The following UBE2O variants were observed in gnomAD, a reference collection of about 807,000 sequenced individuals.
UBE2O encodes the protein (E3-independent) E2 ubiquitin-conjugating enzyme.
A neutral mutation model predicts 125.8 loss-of-function variants in UBE2O; 15 were observed. The observed-to-expected ratio is 0.12, with a 90% CI of 0.08 to 0.18. The LOEUF is 0.18. UBE2O is among the 10% of genes least tolerant of loss of function. The pLI is 1.00. For missense variants in UBE2O, 1,280 were observed against 1,723.6 expected (o/e 0.74, Z 4.56); for synonymous variants, 708 against 703.2 (o/e 1.01, Z -0.11).
chr17:76,412,869 G>A (rs1292312096), intron 1 of UBE2O, among the ~76,000 whole-genome samples: 3 of 152,150 alleles, frequency 2.0e-5, no homozygotes, highest in East Asian at 1.9e-4. Flanking sequence ...TTACCTGGGC[G>A]TGGTGGTGGG....
At chr17:76,412,784 CAG>C (rs2072537897) in intron 1 of UBE2O, among the ~76,000 whole-genome samples, 1 of 152,198 alleles carries the variant, frequency 6.6e-6, no homozygotes, top group Non-Finnish European at 1.5e-5. Flanking sequence ...CTGAGGCAGA[CAG>C]ATCACAAGGT....
At chr17:76,434,191 A>G (rs537681905) in intron 1 of UBE2O, among the ~76,000 whole-genome samples, 1 of 152,252 alleles carries the variant, frequency 6.6e-6, no homozygotes, top group African/African-American at 2.4e-5. Flanking sequence ...GACCCCGAGG[A>G]TCCCTTCCAG....
chr17:76,429,835 C>A (rs2072874970), intron 1 of UBE2O, among the ~76,000 whole-genome samples: 1 of 152,194 alleles, frequency 6.6e-6, no homozygotes, highest in Non-Finnish European at 1.5e-5. Context: ...GTTCATGAAT[C>A]CCTCTTTCAG....
chr17:76,423,051 C>T (rs1025177797), intron 1 of UBE2O, among the ~76,000 whole-genome samples: 5 of 152,142 alleles, frequency 3.3e-5, no homozygotes, highest in Admixed American at 1.3e-4. Context: ...CAATGGGTGG[C>T]GTGGGCAGAA....
intron 1 of UBE2O, among the ~76,000 whole-genome samples, chr17:76,438,908 C>G (rs574833003): frequency 3.9e-5 from 6 of 152,300 alleles, no homozygotes; most frequent in African/African-American, 9.6e-5. Flanking sequence ...ACAGAGGACA[C>G]AACTCATCTG....
At chr17:76,432,677 T>C (rs960839640) in intron 1 of UBE2O, among the ~76,000 whole-genome samples, 1 of 152,054 alleles carries the variant, frequency 6.6e-6, no homozygotes, top group Non-Finnish European at 1.5e-5. Flanking sequence ...CCACAAGAGG[T>C]AGCCCACCTG....
At chr17:76,431,667 A>G (rs1044872189) in intron 1 of UBE2O, among the ~76,000 whole-genome samples, 1 of 151,860 alleles carries the variant, frequency 6.6e-6, no homozygotes, top group African/African-American at 2.4e-5. Flanking sequence ...TTAGGGCCAG[A>G]CACTGTGGCT....
At chr17:76,412,093 A>C (rs2072526011) in intron 1 of UBE2O, among the ~76,000 whole-genome samples, 1 of 152,196 alleles carries the variant, frequency 6.6e-6, no homozygotes, top group Non-Finnish European at 1.5e-5. Flanking sequence ...CTCAAGGACA[A>C]GCGGACGACC....
At chr17:76,446,469 A>C (rs201664546) in intron 1 of UBE2O, among the ~76,000 whole-genome samples, 9,708 of 152,270 alleles carry the variant, frequency 0.064, 382 homozygotes, top group South Asian at 0.12. Context: ...AAACAAAAAA[A>C]AAAACCAAAC....
intron 1 of UBE2O, among the ~76,000 whole-genome samples, chr17:76,439,421 T>C (rs568600902): frequency 6.6e-6 from 1 of 152,322 alleles, no homozygotes; most frequent in African/African-American, 2.4e-5. Context: ...AAATTTTCTA[T>C]AACAAGACCA....
At chr17:76,416,209 T>C (rs564385396) in intron 1 of UBE2O, among the ~76,000 whole-genome samples, 2 of 151,262 alleles carry the variant, frequency 1.3e-5, no homozygotes, top group East Asian at 3.9e-4. Context: ...TATGTGTGTG[T>C]ATATGTATGT....
chr17:76,453,053 G>A lies in UBE2O; in HGVS notation c.89C>T (p.Ala30Val), dbSNP rs2073285816. 7.2e-7 allele frequency: 1 copy of A among 1,382,920 alleles called. No homozygotes were observed. The highest frequency in any genetic ancestry group is 1.6e-5 in the South Asian group (1 of 63,300). The allele number at this position is 1,382,920 out of a possible 1,614,324, so 85.7% of individuals were successfully genotyped here. A position where few individuals can be genotyped will look rare whatever the true frequency, so the allele number is the denominator to read the frequency against. ...GGGCGCCGGCGCCGGGACGGGGGCT[G>A]CGGCTGGGGCCGGGACTGCCTCCGG... ...PAPEAVPAPA[A>V]APVPAPAPAS... Residue 30 changes from alanine to valine, a missense_variant, in exon 1 of 18, where the codon GCA becomes GTA. Ala to Val is a moderately conservative substitution (Grantham distance 64). Coordinates refer to ENST00000319380, the MANE Select transcript of UBE2O (RefSeq NM_022066.4).
chr17:76,390,900 C>T lies in UBE2O; in HGVS notation c.*43G>A, dbSNP rs1452697215. ...CCGGGGGGGAGTGAGCAGGCGGCGG[C>T]TGGCCTCTCCCACGGTGATGCTCTT... On this transcript the variant is annotated 3_prime_UTR_variant, in exon 18 of 18. Transcript: ENST00000319380. 5 of 1,543,162 alleles carry T rather than the reference C, an allele frequency of 3.2e-6. No individual in the cohort carries two copies. The highest frequency in any genetic ancestry group is 4.4e-6 in the Non-Finnish European group (5 of 1,145,990).
intron 13 of UBE2O, 53 bp downstream of exon 13, chr17:76,397,746 G>T (rs1404219450): frequency 2.1e-5 from 33 of 1,577,290 alleles, no homozygotes; most frequent in Non-Finnish European, 2.7e-5. Context: ...GTGGCCCCCG[G>T]CCCAAGTTGC....
intron 1 of UBE2O, among the ~76,000 whole-genome samples, chr17:76,413,909 T>C (rs8066058): frequency 1.3e-5 from 2 of 152,218 alleles, no homozygotes; most frequent in Non-Finnish European, 2.9e-5. Context: ...GGCCTCCTGT[T>C]GGAGCTGGAC....
In UBE2O at chr17:76,400,351, G is replaced by A; in HGVS notation, c.1005-54C>T. ...GGGCTGGACTCCTGGGAGGCCAGCAGTGTTCTTAAGCCTCCCCAGGCATGT... is the reference window on the plus strand; with the variant it reads ...GGGCTGGACTCCTGGGAGGCCAGCAATGTTCTTAAGCCTCCCCAGGCATGT... On this transcript the variant is annotated intron_variant, in intron 7 of 17. Transcript: ENST00000319380. This position sits in a 1 kb window ranked among gnomAD's most constrained non-coding sequence, Gnocchi z 4.3. 1 of 1,601,494 alleles carries A rather than the reference G, an allele frequency of 6.2e-7. No homozygotes were observed. Among genetic ancestry groups the A allele is most frequent in the South Asian group, 1.1e-5 (1 of 90,266 alleles).
chr17:76,397,993 C>A, intron 12 of UBE2O, 105 bp from the exon 13 acceptor site: 1 of 1,288,738 alleles, frequency 7.8e-7, no homozygotes, highest in Non-Finnish European at 1.1e-6. Flanking sequence ...TGGCTTGTGA[C>A]AAGGAACTTA....
chr17:76,438,391 G>A (rs751087303), intron 1 of UBE2O, among the ~76,000 whole-genome samples: 5 of 152,016 alleles, frequency 3.3e-5, no homozygotes, highest in African/African-American at 7.3e-5. Flanking sequence ...GCTCCTCGTC[G>A]CTCTTCTGAT....
intron 13 of UBE2O, 133 bp downstream of exon 13, chr17:76,397,666 C>G: frequency 1.1e-6 from 1 of 879,796 alleles, no homozygotes; most frequent in African/African-American, 1.6e-5. Context: ...GGAATGCCTG[C>G]CTTTCCCCTC....
Sources: allele counts gnomAD v4.1 joint callset (sites outside exome capture counted in the v4.1 genomes callset), GRCh38; gene constraint gnomAD v4.1.1; non-coding constraint Gnocchi (gnomAD v3.1); transcripts MANE v1.5; gene names NCBI Gene and HGNC (gene_info 2026-07-23, HGNC 2026-07-21).